Variants in HTR2C observed in about 807,000 individuals in gnomAD.
HTR2C encodes the protein 5-hydroxytryptamine receptor 2C.
A neutral mutation model predicts 21.0 loss-of-function variants in HTR2C; 5 were observed. The ratio of observed to expected loss-of-function variants is 0.24; its 90% CI spans 0.12 to 0.50. HTR2C has a LOEUF of 0.50. Among genes scored for constraint, HTR2C ranks in the 20% least tolerant of loss-of-function variants. HTR2C has a pLI of 0.98. For synonymous variants in HTR2C, 150 were observed against 145.3 expected (o/e 1.03, Z -0.23); for missense variants, 271 against 371.2 (o/e 0.73, Z 2.22).
At chrX:114,839,065 C>T (rs1169886961) in intron 4 of HTR2C, among the ~76,000 whole-genome samples, 2 of 112,243 alleles carry the variant, frequency 1.8e-5, no homozygotes, top group Non-Finnish European at 3.8e-5. Flanking sequence ...CAATAATGAA[C>T]TTTTGGTTAG....
At chrX:114,719,057 A>G (rs1326333090) in intron 2 of HTR2C, among the ~76,000 whole-genome samples, 5 of 104,220 alleles carry the variant, frequency 4.8e-5, no homozygotes, top group African/African-American at 1.7e-4. Context: ...TAATATAATT[A>G]TAATTATAAA....
At chrX:114,745,623 A>T (rs2147361301) in intron 4 of HTR2C, among the ~76,000 whole-genome samples, 1 of 112,477 alleles carries the variant, frequency 8.9e-6, no homozygotes, top group South Asian at 3.7e-4. Context: ...ATTTAGCCAT[A>T]AAAAAGGAGA....
intron 4 of HTR2C, among the ~76,000 whole-genome samples, chrX:114,750,452 A>G (rs1392452029): frequency 2.7e-5 from 3 of 112,383 alleles, no homozygotes; most frequent in Admixed American, 9.5e-5. Context: ...TCAGCTGTCA[A>G]CACTGTCTAG....
intron 5 of HTR2C, among the ~76,000 whole-genome samples, chrX:114,862,618 G>T (rs1392560141): frequency 9.1e-5 from 10 of 110,479 alleles, no homozygotes; most frequent in African/African-American, 2.6e-4. Flanking sequence ...TATAATAGTT[G>T]TACATATTTT....
intron 2 of HTR2C, among the ~76,000 whole-genome samples, chrX:114,703,593 C>T (rs1556417383): frequency 1.8e-5 from 2 of 111,552 alleles, no homozygotes; most frequent in Non-Finnish European, 1.9e-5. Context: ...CACTAAATGC[C>T]CACAAGAGAA....
At chrX:114,629,635 C>T (rs12837651) in intron 2 of HTR2C, among the ~76,000 whole-genome samples, 14,094 of 111,062 alleles carry the variant, frequency 0.13, 766 homozygotes, top group South Asian at 0.31. Flanking sequence ...CTCTTAAAAT[C>T]GAACATTCAC....
intron 4 of HTR2C, among the ~76,000 whole-genome samples, chrX:114,843,050 T>C (rs1556466126): frequency 8.9e-6 from 1 of 111,945 alleles, no homozygotes; most frequent in African/African-American, 3.2e-5. Flanking sequence ...GTCCAAGTTT[T>C]ACCAAGATTA....
chrX:114,844,537 G>T (rs2070859794), intron 4 of HTR2C, among the ~76,000 whole-genome samples: 1 of 111,747 alleles, frequency 8.9e-6, no homozygotes, highest in South Asian at 3.7e-4. Flanking sequence ...AAATGTGAAA[G>T]AATTAAATTT....
chrX:114,816,066 A>G (rs2070581535), intron 4 of HTR2C, among the ~76,000 whole-genome samples: 1 of 111,252 alleles, frequency 9.0e-6, no homozygotes, highest in Non-Finnish European at 1.9e-5. Flanking sequence ...GTACTCCCAG[A>G]ACATCATGTG....
chrX:114,769,707 C>T (rs2147388517), intron 4 of HTR2C, among the ~76,000 whole-genome samples: 1 of 111,337 alleles, frequency 9.0e-6, no homozygotes, highest in South Asian at 3.7e-4. Flanking sequence ...TTTCTTCCCC[C>T]TTCTTTGTGA....
rs182689278 is a variant in HTR2C at position 114,854,971 on chromosome X, T to C, written c.550+6768T>C. 5.0e-3 allele frequency among the ~76,000 whole-genome samples: 555 copies of C among 111,589 alleles called. 1 individual carries two copies. The highest frequency in any genetic ancestry group is 0.017 in the African/African-American group (520 of 30,831). On this transcript the variant is annotated intron_variant, in intron 5 of 5. Transcript: ENST00000276198. ...ATGGCTAACAAGCATATGAAGAAAA[T>C]GTTCGATGTCACTAATCGTTAGAGA... is the stretch of plus-strand genomic sequence containing the variant.
At chrX:114,684,962 A>G (rs1262950029) in intron 2 of HTR2C, among the ~76,000 whole-genome samples, 3 of 111,400 alleles carry the variant, frequency 2.7e-5, no homozygotes, top group Non-Finnish European at 5.7e-5. Flanking sequence ...ACATCAATAG[A>G]TCAAAAGGCT....
At chrX:114,761,082 C>T (rs2069861368) in intron 4 of HTR2C, among the ~76,000 whole-genome samples, 1 of 111,289 alleles carries the variant, frequency 9.0e-6, no homozygotes, top group South Asian at 3.8e-4. Context: ...TTGCAAATTA[C>T]ATAATGTAAT....
intron 4 of HTR2C, among the ~76,000 whole-genome samples, chrX:114,758,149 A>AT (rs1197079737): frequency 3.6e-5 from 4 of 111,965 alleles, no homozygotes; most frequent in Non-Finnish European, 5.6e-5. Flanking sequence ...TATCACATTT[A>AT]TTTTGTTCAT....
chrX:114,638,860 A>C (rs1474155814), intron 2 of HTR2C, among the ~76,000 whole-genome samples: 1 of 107,986 alleles, frequency 9.3e-6, no homozygotes, highest in Non-Finnish European at 1.9e-5. Context: ...TGAACTCATC[A>C]TTTTTTATGG....
In HTR2C at chrX:114,845,751, T is replaced by C. The variant is rs782656747; in HGVS notation, c.350-2252T>C. Among the ~76,000 whole-genome samples, 26 of 109,838 alleles carry C rather than the reference T, an allele frequency of 2.4e-4. No individual in the cohort carries two copies. In the South Asian group the frequency reaches 2.8e-3, roughly 12 times the overall value. On this transcript the variant is annotated intron_variant, in intron 4 of 5. Transcript: ENST00000276198. ...TCCTCCTGGTGTGGTATCTCATGCCTGTAATCCTCGCACCTTGGGAGGCCA... is the reference window on the plus strand; with the variant it reads ...TCCTCCTGGTGTGGTATCTCATGCCCGTAATCCTCGCACCTTGGGAGGCCA...
intron 4 of HTR2C, among the ~76,000 whole-genome samples, chrX:114,841,975 A>G (rs897069529): frequency 7.1e-5 from 8 of 112,201 alleles, no homozygotes; most frequent in Non-Finnish European, 1.1e-4. Flanking sequence ...TTAAGGAATA[A>G]ATAAGTAACG....
intron 2 of HTR2C, among the ~76,000 whole-genome samples, chrX:114,691,359 C>A (rs1193969657): frequency 9.0e-6 from 1 of 111,423 alleles, no homozygotes; most frequent in African/African-American, 3.3e-5. Flanking sequence ...GCCCACTTAT[C>A]ATAGAAGTCA....
chrX:114,734,779 G>T (rs1334038231), intron 4 of HTR2C, among the ~76,000 whole-genome samples: 3 of 109,470 alleles, frequency 2.7e-5, no homozygotes, highest in Non-Finnish European at 5.7e-5. Flanking sequence ...TTGTGGTGAT[G>T]GTTATACAAA....
Sources: allele counts gnomAD v4.1 joint callset (sites outside exome capture counted in the v4.1 genomes callset), GRCh38; gene constraint gnomAD v4.1.1; transcripts MANE v1.5; gene names NCBI Gene and HGNC (gene_info 2026-07-23, HGNC 2026-07-21).